Variants in HK1 observed in about 807,000 individuals in gnomAD.
HK1 encodes the protein hexokinase 1.
In HK1, 28 loss-of-function variants were observed where a neutral mutation model predicts 91.6. That is an observed-to-expected ratio of 0.31 (90% CI 0.23 to 0.42). HK1 has a LOEUF of 0.42. Ranked by LOEUF, HK1 falls within the 10% of genes least tolerant of loss-of-function variation. The pLI, the probability that HK1 is intolerant of heterozygous loss-of-function variation, is 1.00. For synonymous variants in HK1, 430 were observed against 468.1 expected, an observed-to-expected ratio of 0.92 and a Z score of 1.05; for missense variants, 770 against 1,219.8, an observed-to-expected ratio of 0.63 and a Z score of 5.49.
chr10:69,399,614 T>C (rs1840295885), intron 17 of HK1, among the ~76,000 whole-genome samples: 1 of 152,168 alleles, frequency 6.6e-6, no homozygotes, highest in African/African-American at 2.4e-5. Context: ...CTGGGCTTCA[T>C]GGCAGGGAGG....
At chr10:69,294,065 G>T (rs376116556) in intron 3 of HK1, among the ~76,000 whole-genome samples, 137 of 152,020 alleles carry the variant, frequency 9.0e-4, no homozygotes, top group Middle Eastern at 6.8e-3. Flanking sequence ...GTTTCACCGT[G>T]TTAGCCAGGA....
intron 2 of HK1, among the ~76,000 whole-genome samples, chr10:69,287,297 T>C (rs1845076124): frequency 6.6e-6 from 1 of 152,016 alleles, no homozygotes; most frequent in Non-Finnish European, 1.5e-5. Context: ...GAGCCTCTTA[T>C]AAAACCATCA....
At chr10:69,352,319 G>A (rs918465459) in intron 2 of HK1, among the ~76,000 whole-genome samples, 1 of 152,094 alleles carries the variant, frequency 6.6e-6, no homozygotes, top group Non-Finnish European at 1.5e-5. Context: ...CCTAGTGGTG[G>A]TGTAAAGTAC....
rs372315642 is a variant in HK1, at chr10:69,343,947, A to G, written c.184A>G (p.Lys62Glu). 3.0e-5 allele frequency: 48 copies of G among 1,614,048 alleles called. No individual in the cohort carries two copies. The highest frequency in any genetic ancestry group is 3.7e-5 in the Non-Finnish European group (44 of 1,180,006). Residue 62 changes from lysine to glutamate, a missense_variant, in exon 2 of 18, where the codon AAG becomes GAG. Lys to Glu is a moderately conservative substitution (Grantham distance 56). Around this residue, in one of 7 missense-constraint regions of HK1, gnomAD observed 449 missense variants for 665.1 expected, o/e 0.68. Transcript: ENST00000359426. Reference protein sequence around the residue: ...SRDFNPTATVKMLPTFVRSIP... With the variant: ...SRDFNPTATVEMLPTFVRSIP... ...GGATTTTAATCCAACAGCCACAGTC[A>G]AGATGTTGCCAACATTCGTAAGGTC...
At chr10:69,322,112 CTGTT>C (rs897711427) in intron 1 of HK1, among the ~76,000 whole-genome samples, 6 of 152,138 alleles carry the variant, frequency 3.9e-5, no homozygotes, top group African/African-American at 7.2e-5. Context: ...GCATAGTGCT[CTGTT>C]TGTTTAGAAA....
chr10:69,312,719 T>G (rs1846433306), upstream of HK1, among the ~76,000 whole-genome samples: 1 of 151,890 alleles, frequency 6.6e-6, no homozygotes. Flanking sequence ...CCTCTAGGGG[T>G]GGTGACATTC....
At chr10:69,274,596 A>G (rs1265212574) in intron 1 of HK1, among the ~76,000 whole-genome samples, 1 of 152,076 alleles carries the variant, frequency 6.6e-6, no homozygotes, top group African/African-American at 2.4e-5. Context: ...TCTCAAAAAA[A>G]AAAAAAACAG....
rs61751207 is a variant in HK1 at position 69,382,766 on chromosome 10, C to T, written c.1545C>T (p.Phe515=). 61 of 1,612,470 alleles carry T rather than the reference C, an allele frequency of 3.8e-5. No homozygotes were observed. Among genetic ancestry groups the T allele is most frequent in the South Asian group, 7.7e-5 (7 of 90,488 alleles). Residue 515 remains phenylalanine (F), a synonymous_variant, in exon 10 of 18, where the codon TTC becomes TTT. Transcript: ENST00000359426. ...NNAVVKMLPS[F]VRRTPDGTEN... Reference sequence around the variant, plus strand: ...CCGTGGTTAAGATGCTGCCCTCCTTCGTCCGGAGAACTCCCGACGGGACCG... The same window carrying T: ...CCGTGGTTAAGATGCTGCCCTCCTTTGTCCGGAGAACTCCCGACGGGACCG...
chr10:69,377,931 C>G (rs1839198641), intron 8 of HK1, among the ~76,000 whole-genome samples: 1 of 152,210 alleles, frequency 6.6e-6, no homozygotes, highest in South Asian at 2.1e-4. Context: ...TAACTGTAGC[C>G]CCTTGGCATC....
At chr10:69,377,635 T>C (rs1044487221) in intron 8 of HK1, among the ~76,000 whole-genome samples, 2 of 152,072 alleles carry the variant, frequency 1.3e-5, no homozygotes, top group Non-Finnish European at 2.9e-5. Context: ...TTTACAATAT[T>C]ATGGTAAAAT....
chr10:69,344,631 C>T lies in HK1; in HGVS notation c.226+642C>T, dbSNP rs530422222. 2.0e-4 allele frequency among the ~76,000 whole-genome samples: 31 copies of T among 152,302 alleles called. 1 individual carries two copies. Among genetic ancestry groups the T allele is most frequent in the African/African-American group, 6.7e-4 (28 of 41,568 alleles). ...CTGTGGCTCATACCCTGCAGTGGGG[C>T]GTTGGGGGAGGGCCCCCTGAGGATT... On this transcript the variant is annotated intron_variant, in intron 2 of 17. Transcript: ENST00000359426.
Position 69,392,186 on chromosome 10 carries a change from C to G in HK1, c.2097C>G (p.Asp699Glu). 3.7e-6 allele frequency: 6 copies of G among 1,614,080 alleles called. No individual in the cohort carries two copies. The highest frequency in any genetic ancestry group is 5.1e-6 in the Non-Finnish European group (6 of 1,180,022). Residue 699 changes from aspartate to glutamate, a missense_variant, in exon 15 of 18, where the codon GAC (aspartate) becomes GAG (glutamate). Asp to Glu is a conservative substitution (Grantham distance 45). Around this residue, in one of 7 missense-constraint regions of HK1, gnomAD observed 152 missense variants for 211.1 expected, o/e 0.72. Coordinates refer to ENST00000359426, the MANE Select transcript of HK1 (RefSeq NM_000188.3). ...EMKNVEMVEG[D>E]QGQMCINMEW... ...AGAACGTGGAGATGGTGGAGGGGGA[C>G]CAGGGGCAGATGTGCATCAACATGG...
chr10:69,379,804 T>G (rs1364246188), intron 8 of HK1, 58 bp from the exon 9 acceptor site: 3 of 1,226,576 alleles, frequency 2.4e-6, no homozygotes, highest in Non-Finnish European at 3.6e-6. Flanking sequence ...TGAGCCTCAG[T>G]GCTTTGCACT....
chr10:69,362,996 G>T (rs541910345), intron 3 of HK1, among the ~76,000 whole-genome samples: 4 of 152,162 alleles, frequency 2.6e-5, no homozygotes, highest in Non-Finnish European at 4.4e-5. Context: ...AGCTGGCTTG[G>T]GGGGGATCTG....
chr10:69,276,108 A>ATATAT (rs1352397297), intron 1 of HK1, among the ~76,000 whole-genome samples: 50 of 48,946 alleles, frequency 1.0e-3, no homozygotes, highest in Non-Finnish European at 1.5e-3. Context: ...AAAAAAAAAA[A>ATATAT]AAAAAAAAAA....
intron 14 of HK1, among the ~76,000 whole-genome samples, chr10:69,389,803 G>T (rs375319991): frequency 1.3e-5 from 2 of 152,152 alleles, no homozygotes; most frequent in Non-Finnish European, 2.9e-5. Flanking sequence ...CACTGTGTGC[G>T]CATGGTCCCA....
intron 2 of HK1, among the ~76,000 whole-genome samples, chr10:69,347,816 CAG>C (rs1848646097): frequency 6.6e-6 from 1 of 152,116 alleles, no homozygotes; most frequent in Non-Finnish European, 1.5e-5. Context: ...AATGAGATAA[CAG>C]GGAGGGTAAG....
chr10:69,276,112 A>ATATATATATAT (rs1564746747), intron 1 of HK1, among the ~76,000 whole-genome samples: 2 of 42,624 alleles, frequency 4.7e-5, no homozygotes, highest in Middle Eastern at 0.016. Flanking sequence ...AAAAAAAAAA[A>ATATATATATAT]AAAAAAATAC....
intron 2 of HK1, among the ~76,000 whole-genome samples, chr10:69,351,006 T>TG: frequency 9.2e-6 from 1 of 108,722 alleles, no homozygotes; most frequent in East Asian, 2.7e-4. Flanking sequence ...CCGTCTCTAC[T>TG]AAAAAAAAAA....
Sources: allele counts gnomAD v4.1 joint callset (sites outside exome capture counted in the v4.1 genomes callset), GRCh38; gene constraint gnomAD v4.1.1; regional missense constraint gnomAD v4.1.1; transcripts MANE v1.5; gene names NCBI Gene and HGNC (gene_info 2026-07-23, HGNC 2026-07-21).